The following KLF12 variants were observed in gnomAD, a reference collection of about 807,000 sequenced individuals.
The protein encoded by KLF12 is KLF transcription factor 12, also known as Krueppel-like factor 12.
A neutral mutation model predicts 37.8 loss-of-function variants in KLF12; 9 were observed. That is an observed-to-expected ratio of 0.24 (90% CI 0.14 to 0.42). The LOEUF is 0.42. Ranked by LOEUF, KLF12 falls within the 10% of genes least tolerant of loss-of-function variation. KLF12 has a pLI of 1.00. For synonymous variants in KLF12, 208 were observed against 202.1 expected (o/e 1.03, Z -0.25); for missense variants, 411 against 516.0 (o/e 0.80, Z 1.97).
intron 5 of KLF12, among the ~76,000 whole-genome samples, chr13:73,791,716 T>C (rs1236678739): frequency 1.3e-5 from 2 of 152,186 alleles, no homozygotes; most frequent in East Asian, 3.9e-4. Flanking sequence ...AAATACCATT[T>C]ATATAAATTA....
the KLF12 span, among the ~76,000 whole-genome samples, chr13:74,245,706 T>G: frequency 1.3e-5 from 2 of 152,210 alleles, no homozygotes; most frequent in Non-Finnish European, 2.9e-5. Flanking sequence ...TTATGAACCT[T>G]GTATCCACTG....
chr13:74,010,584 C>G (rs1892526662), intron 1 of KLF12, among the ~76,000 whole-genome samples: 1 of 152,124 alleles, frequency 6.6e-6, no homozygotes, highest in African/African-American at 2.4e-5. Context: ...TTTGGAGAAT[C>G]TAAAACATGT....
intron 3 of KLF12, among the ~76,000 whole-genome samples, chr13:73,879,620 T>C (rs1886883223): frequency 6.6e-6 from 1 of 152,190 alleles, no homozygotes; most frequent in Non-Finnish European, 1.5e-5. Flanking sequence ...TCTATCTACA[T>C]CATGCCTTGC....
chr13:73,929,615 CATCAGAGA>C (rs1889571922), intron 3 of KLF12, among the ~76,000 whole-genome samples: 1 of 152,160 alleles, frequency 6.6e-6, no homozygotes, highest in East Asian at 1.9e-4. Context: ...AATCTCAGTA[CATCAGAGA>C]ATCAGCCAGG....
the KLF12 span, among the ~76,000 whole-genome samples, chr13:74,239,036 G>T: frequency 1.3e-5 from 2 of 149,066 alleles, no homozygotes; most frequent in Non-Finnish European, 3.0e-5. Context: ...TGATGTTAGG[G>T]TGTCAATTTT....
intron 1 of KLF12, among the ~76,000 whole-genome samples, chr13:74,026,566 T>G (rs1259261242): frequency 6.6e-6 from 1 of 152,198 alleles, no homozygotes; most frequent in Non-Finnish European, 1.5e-5. Context: ...CCATGTTAGA[T>G]ACAGTTACAT....
At chr13:73,844,454 G>C (rs1884910064) in intron 4 of KLF12, among the ~76,000 whole-genome samples, 1 of 152,140 alleles carries the variant, frequency 6.6e-6, no homozygotes, top group Non-Finnish European at 1.5e-5. Context: ...TGGACCATTA[G>C]AGAACAAAGG....
At chr13:73,780,285 G>A (rs1269174894) in intron 5 of KLF12, among the ~76,000 whole-genome samples, 1 of 152,096 alleles carries the variant, frequency 6.6e-6, no homozygotes, top group East Asian at 1.9e-4. Context: ...GTGGTGTTTG[G>A]TTGCACGGAA....
chr13:73,707,725 C>A (rs990845906), intron 7 of KLF12, among the ~76,000 whole-genome samples: 2 of 152,120 alleles, frequency 1.3e-5, no homozygotes, highest in African/African-American at 4.8e-5. Flanking sequence ...CAAGCACCTG[C>A]GAACAAAAGG....
At chr13:73,983,393 C>T (rs1469227583) in intron 2 of KLF12, among the ~76,000 whole-genome samples, 1 of 152,214 alleles carries the variant, frequency 6.6e-6, no homozygotes, top group African/African-American at 2.4e-5. Context: ...TTCTTCTCTC[C>T]AGTATCAGTG....
intron 5 of KLF12, among the ~76,000 whole-genome samples, chr13:73,806,394 C>T (rs1252861054): frequency 6.6e-6 from 1 of 152,068 alleles, no homozygotes; most frequent in Non-Finnish European, 1.5e-5. Flanking sequence ...AGCCACCGTG[C>T]CCAACTTTTC....
chr13:74,050,709 A>T (rs926925974), intron 1 of KLF12, among the ~76,000 whole-genome samples: 8 of 152,218 alleles, frequency 5.3e-5, no homozygotes, highest in African/African-American at 1.7e-4. Context: ...ACAAAAGCAA[A>T]CATCAACAAA....
chr13:73,837,617 G>C (rs1474238066), intron 4 of KLF12, among the ~76,000 whole-genome samples: 1 of 152,072 alleles, frequency 6.6e-6, no homozygotes, highest in African/African-American at 2.4e-5. Flanking sequence ...TCCTATCTTT[G>C]TTTTGCCATA....
the KLF12 span, among the ~76,000 whole-genome samples, chr13:74,271,960 T>C: frequency 1.1e-3 from 163 of 152,320 alleles, 4 homozygotes; most frequent in South Asian, 0.033. Flanking sequence ...TTCTGAAAAC[T>C]CCTTCAGTGA....
At position 73,688,843 on chromosome 13, in the gene KLF12, A is replaced by T. The variant is rs949639374; in HGVS notation, c.*6647T>A. The T allele has an allele frequency of 7.9e-5, 12 of 152,130 alleles. No homozygotes were observed. The highest frequency in any genetic ancestry group is 2.9e-4 in the African/African-American group (12 of 41,418). 9.4% of individuals were successfully genotyped at this position (152,130 alleles called of 1,614,324 possible). A position where few individuals can be genotyped will look rare whatever the true frequency, so the allele number is the denominator to read the frequency against. ...CTGGGAAGGTGGTTTCGGGACACCC[A>T]CGTGCAGTGTGGTGGAGTGGGAAAG... is the stretch of plus-strand genomic sequence containing the variant. On this transcript the variant is annotated 3_prime_UTR_variant, in exon 8 of 8. Transcript: ENST00000377669.
At chr13:74,049,520 G>A (rs891349473) in intron 1 of KLF12, among the ~76,000 whole-genome samples, 2 of 151,780 alleles carry the variant, frequency 1.3e-5, no homozygotes, top group Non-Finnish European at 2.9e-5. Flanking sequence ...CCAAATAAGA[G>A]GACGTCATTA....
At chr13:74,046,194 C>T (rs1025942580) in intron 1 of KLF12, among the ~76,000 whole-genome samples, 2 of 152,116 alleles carry the variant, frequency 1.3e-5, no homozygotes, top group Non-Finnish European at 2.9e-5. Flanking sequence ...TATTGGTTCA[C>T]TAATCGAAAC....
chr13:74,111,090 T>C lies in KLF12; in HGVS notation c.-32+22649A>G, dbSNP rs188196559. Among the ~76,000 whole-genome samples the C allele has an allele frequency of 2.4e-3, 367 of 151,478 alleles. 2 individuals are homozygous for C. Among genetic ancestry groups the C allele is most frequent in the African/African-American group, 8.0e-3 (328 of 41,256 alleles). On this transcript the variant is annotated intron_variant, in intron 1 of 7. Transcript: ENST00000377669. ...ACTGCTTGAACCCAGGAGGCAGGGG[T>C]TGCAGTGAGCCAAGATCCCACCATT...
intron 6 of KLF12, among the ~76,000 whole-genome samples, chr13:73,716,132 G>A (rs1258561365): frequency 4.6e-5 from 7 of 152,126 alleles, no homozygotes; most frequent in African/African-American, 7.2e-5. Context: ...GAGGAATAAC[G>A]TGCATTGTCT....
Sources: gnomAD v4.1 joint callset for allele counts (sites outside exome capture counted in the v4.1 genomes callset) on GRCh38, gnomAD v4.1.1 for gene constraint, MANE v1.5 for transcripts, NCBI Gene and HGNC (gene_info 2026-07-23, HGNC 2026-07-21) for gene names.